The following ZNF329 variants were observed in gnomAD, a reference collection of about 807,000 sequenced individuals.
ZNF329 encodes zinc finger protein 329.
A neutral mutation model predicts 26.6 loss-of-function variants in ZNF329; 15 were observed. The observed-to-expected ratio is 0.56, with a 90% CI of 0.38 to 0.87. The LOEUF is 0.87. ZNF329 is among the 40% of genes least tolerant of loss of function. ZNF329 has a pLI of 0.00. For missense variants in ZNF329, 651 were observed against 651.9 expected (o/e 1.00, Z 0.02); for synonymous variants, 239 against 233.5 (o/e 1.02, Z -0.21).
At chr19:58,146,196 A>C (rs1471191009) in intron 1 of ZNF329, among the ~76,000 whole-genome samples, 4 of 152,152 alleles carry the variant, frequency 2.6e-5, no homozygotes, top group Non-Finnish European at 4.4e-5. Context: ...ATCTGGGGCC[A>C]GGCGCAGTGG....
chr19:58,153,825 C>T (rs1032172350), upstream of ZNF329, among the ~76,000 whole-genome samples: 1 of 152,088 alleles, frequency 6.6e-6, no homozygotes, highest in South Asian at 2.1e-4. Flanking sequence ...CCTCCCATCT[C>T]GACCTCCCCA....
At chr19:58,129,551 C>T (rs145043555) in intron 3 of ZNF329, 40 bp from the exon 4 acceptor site, 1 of 1,499,742 alleles carries the variant, frequency 6.7e-7, no homozygotes, top group Admixed American at 2.2e-5. Flanking sequence ...GTATATGAAG[C>T]TTTATCTGTA....
intron 1 of ZNF329, among the ~76,000 whole-genome samples, chr19:58,144,039 C>A (rs2075244767): frequency 6.6e-6 from 1 of 151,796 alleles, no homozygotes; most frequent in South Asian, 2.1e-4. Context: ...CGAGATTGCA[C>A]CATTTCACTC....
At chr19:58,135,712 A>G (rs1418306018) in intron 3 of ZNF329, among the ~76,000 whole-genome samples, 1 of 152,202 alleles carries the variant, frequency 6.6e-6, no homozygotes, top group Non-Finnish European at 1.5e-5. Flanking sequence ...TTTCTTTCTA[A>G]GCACAAGTGG....
chr19:58,126,937 GCCA>G lies in ZNF329; in HGVS notation c.*938_*940del, dbSNP rs1340158987. The stretch of plus-strand genomic sequence containing the variant: ...CAAAGTGCTAGGATTACAGGCGTGA[GCCA>G]CCACATCTGGCCTGCTTGTTTCAGT... On this transcript the variant is annotated 3_prime_UTR_variant, in exon 4 of 4. Coordinates refer to ENST00000598312, the MANE Select transcript of ZNF329 (RefSeq NM_024620.4). 6.6e-6 allele frequency: 1 copy of G among 152,192 alleles called. No individual in the cohort carries two copies. Among genetic ancestry groups the G allele is most frequent in the East Asian group, 1.9e-4 (1 of 5,180 alleles). 9.4% of individuals were successfully genotyped at this position (152,192 alleles called of 1,614,324 possible). A position where few individuals can be genotyped will look rare whatever the true frequency, so the allele number is the denominator to read the frequency against.
At chr19:58,143,744 A>G (rs2075236224) in intron 1 of ZNF329, among the ~76,000 whole-genome samples, 2 of 152,158 alleles carry the variant, frequency 1.3e-5, no homozygotes, top group Admixed American at 1.3e-4. Flanking sequence ...GGCTTATAAG[A>G]CCTAAATAGT....
Position 58,128,123 on chromosome 19 carries a change from C to G in ZNF329, c.1381G>C (p.Gly461Arg). The change falls in exon 4 of 4, where the codon GGC (glycine) becomes CGC (arginine). Residue 461 changes from glycine (G) to arginine (R), a missense_variant. Coordinates refer to ENST00000598312, the MANE Select transcript of ZNF329 (RefSeq NM_024620.4). ...CAGGAGCTGTCCCTGAAGGCTTTGC[C>G]ACACTGATTACACTCATAGGGCTTC... The part of the protein sequence containing the change: ...GEKPYECNQC[G>R]KAFRDSSCLT... 2 of 1,596,328 alleles carry G rather than the reference C, an allele frequency of 1.3e-6. No homozygotes were observed. Among genetic ancestry groups the G allele is most frequent in the Non-Finnish European group, 1.7e-6 (2 of 1,171,362 alleles).
intron 1 of ZNF329, 124 bp from the exon 2 acceptor site, chr19:58,143,322 C>A (rs1175729463): frequency 6.6e-6 from 1 of 152,166 alleles, no homozygotes; most frequent in East Asian, 1.9e-4. Context: ...AGACCAGGTA[C>A]ACAGATGAAA....
intron 3 of ZNF329, among the ~76,000 whole-genome samples, chr19:58,132,037 A>T (rs1485253678): frequency 1.3e-5 from 2 of 151,830 alleles, no homozygotes; most frequent in Non-Finnish European, 2.9e-5. Context: ...AAAAAAAAAA[A>T]AGAAAGAAAA....
At position 58,140,837 on chromosome 19, in the gene ZNF329, G is replaced by A. The variant is rs568423258; in HGVS notation, c.-9+1720C>T. ...AGTGATCCTCCCACCTCAGCTTCCT[G>A]AGTAGCTGGGACCACAGTTGCACAC... On this transcript the variant is annotated intron_variant, in intron 3 of 3. Transcript: ENST00000598312. Among the ~76,000 whole-genome samples the A allele has an allele frequency of 4.7e-5, 7 of 148,026 alleles. No individual in the cohort carries two copies. In the South Asian group the frequency reaches 1.5e-3, roughly 32 times the overall value.
chr19:58,133,983 G>A (rs2075010212), intron 3 of ZNF329, among the ~76,000 whole-genome samples: 1 of 152,194 alleles, frequency 6.6e-6, no homozygotes, highest in Non-Finnish European at 1.5e-5. Context: ...AGAATCAAGT[G>A]TTCTGAAGTC....
chr19:58,135,302 C>T (rs2075039389), intron 3 of ZNF329, among the ~76,000 whole-genome samples: 1 of 151,922 alleles, frequency 6.6e-6, no homozygotes, highest in Non-Finnish European at 1.5e-5. Flanking sequence ...CGGAGTCTCA[C>T]TCTTGTCGCC....
At chr19:58,144,322 C>A (rs2075252256) in intron 1 of ZNF329, among the ~76,000 whole-genome samples, 1 of 149,262 alleles carries the variant, frequency 6.7e-6, no homozygotes, top group African/African-American at 2.5e-5. Flanking sequence ...CTACAGGTAC[C>A]TGCCACCACA....
intron 3 of ZNF329, among the ~76,000 whole-genome samples, chr19:58,134,427 T>A (rs2075019722): frequency 6.6e-6 from 1 of 152,088 alleles, no homozygotes; most frequent in Admixed American, 6.6e-5. Flanking sequence ...ACAATAAATA[T>A]AAATGGCCTT....
Position 58,145,079 on chromosome 19 carries a change from G to C in ZNF329, c.-207-1881C>G, listed in dbSNP as rs796241506. ...TTAGCCAAGATGGTCTCGATCTCCTGACCTCGTGACCCGCCCGCCTCGGCC... is the reference window on the plus strand; with the variant it reads ...TTAGCCAAGATGGTCTCGATCTCCTCACCTCGTGACCCGCCCGCCTCGGCC... On this transcript the variant is annotated intron_variant, in intron 1 of 3. Coordinates refer to ENST00000598312, the MANE Select transcript of ZNF329 (RefSeq NM_024620.4). Among the ~76,000 whole-genome samples the C allele has an allele frequency of 9.2e-5, 13 of 140,850 alleles. 1 individual carries two copies. Among genetic ancestry groups the C allele is most frequent in the African/African-American group, 4.1e-4 (13 of 31,388 alleles). The allele number at this position is 140,850 out of a possible 152,430, so 92.4% of individuals were successfully genotyped here. A position where few individuals can be genotyped will look rare whatever the true frequency, so the allele number is the denominator to read the frequency against.
At chr19:58,132,128 C>G (rs1312660216) in intron 3 of ZNF329, 1 of 151,772 alleles carries the variant, frequency 6.6e-6, no homozygotes, top group Non-Finnish European at 1.5e-5. Flanking sequence ...TTTAAGAACA[C>G]AAAATATACA....
upstream of ZNF329, among the ~76,000 whole-genome samples, chr19:58,153,121 A>G (rs373351281): frequency 6.6e-6 from 1 of 151,888 alleles, no homozygotes; most frequent in East Asian, 1.9e-4. Context: ...TCTTTTTTGT[A>G]TTTTTTGAGA....
intron 3 of ZNF329, among the ~76,000 whole-genome samples, chr19:58,138,631 C>G (rs281064): frequency 0.72 from 108,946 of 152,088 alleles, 41,098 homozygotes; most frequent in Non-Finnish European, 0.85. Context: ...CTGTGGCCAT[C>G]CTGTGAAAAC....
At chr19:58,131,355 C>T (rs191419977) in intron 3 of ZNF329, among the ~76,000 whole-genome samples, 40 of 151,826 alleles carry the variant, frequency 2.6e-4, no homozygotes, top group African/African-American at 9.2e-4. Flanking sequence ...GCTGAGGCTG[C>T]AGTGAGCTGT....
Sources: gnomAD v4.1 joint callset for allele counts (sites outside exome capture counted in the v4.1 genomes callset) on GRCh38, gnomAD v4.1.1 for gene constraint, MANE v1.5 for transcripts, NCBI Gene and HGNC (gene_info 2026-07-23, HGNC 2026-07-21) for gene names.